PCDH11X: variants seen among roughly 807,000 people sequenced by gnomAD.
The protein encoded by PCDH11X is protocadherin-11 X-linked.
Under a neutral mutation model 53.3 loss-of-function variants are expected in PCDH11X, and 18 were observed. The observed-to-expected ratio is 0.34, with a 90% CI of 0.23 to 0.50. The LOEUF (loss-of-function observed/expected upper bound fraction) is 0.50, where lower values mean the gene tolerates loss of function less well. Among genes scored for constraint, PCDH11X ranks in the 20% least tolerant of loss-of-function variants. The probability of loss-of-function intolerance (pLI) is 0.98; values close to 1 mark genes in which losing one functional copy is unlikely to be tolerated. For synonymous variants in PCDH11X, 279 were observed against 393.3 expected (o/e 0.71, Z 3.44); for missense variants, 570 against 1,032.4 (o/e 0.55, Z 6.14).
chrX:92,458,623 A>G (rs1237816312), intron 9 of PCDH11X, among the ~76,000 whole-genome samples: 1 of 111,694 alleles, frequency 9.0e-6, no homozygotes, highest in Non-Finnish European at 1.9e-5. Flanking sequence ...GATTGAAAAC[A>G]TGTAACATTT....
At chrX:91,980,467 T>G (rs2062111317) in intron 6 of PCDH11X, among the ~76,000 whole-genome samples, 1 of 110,305 alleles carries the variant, frequency 9.1e-6, no homozygotes, top group Non-Finnish European at 1.9e-5. Context: ...GGAGGGTTTT[T>G]TCGTTTTGTT....
chrX:92,503,154 C>A (rs2073990199), intron 10 of PCDH11X, among the ~76,000 whole-genome samples: 1 of 108,661 alleles, frequency 9.2e-6, no homozygotes, highest in Non-Finnish European at 1.9e-5. Flanking sequence ...ATTAGAGATC[C>A]TCAAATCAAA....
intron 3 of PCDH11X, 70 bp downstream of exon 3, chrX:91,810,648 C>G (rs1269134791): frequency 8.9e-6 from 1 of 111,745 alleles, no homozygotes; most frequent in Non-Finnish European, 1.9e-5. Context: ...GAATTGATAA[C>G]AAGAGGCATT....
chrX:91,868,497 A>G (rs1185663243), intron 5 of PCDH11X, among the ~76,000 whole-genome samples: 1 of 111,626 alleles, frequency 9.0e-6, no homozygotes, highest in Non-Finnish European at 1.9e-5. Flanking sequence ...TCTTTTATCA[A>G]TTTAGAAGGT....
At chrX:92,430,330 CA>C (rs2072223714) in intron 9 of PCDH11X, among the ~76,000 whole-genome samples, 1 of 91,714 alleles carries the variant, frequency 1.1e-5, no homozygotes, top group African/African-American at 3.7e-5. Flanking sequence ...CGTGTTTGTT[CA>C]GAAGTTTGGC....
intron 8 of PCDH11X, among the ~76,000 whole-genome samples, chrX:92,353,570 G>A (rs974565898): frequency 4.5e-5 from 5 of 110,482 alleles, no homozygotes; most frequent in African/African-American, 6.6e-5. Flanking sequence ...AATTCATTCA[G>A]GAATGACTCA....
At chrX:92,294,470 G>C (rs2068566526) in intron 8 of PCDH11X, among the ~76,000 whole-genome samples, 1 of 112,277 alleles carries the variant, frequency 8.9e-6, no homozygotes, top group South Asian at 3.6e-4. Flanking sequence ...AAAAACATTA[G>C]AGCATTTTAT....
chrX:92,119,625 T>C (rs1174600438), intron 6 of PCDH11X, among the ~76,000 whole-genome samples: 1 of 111,618 alleles, frequency 9.0e-6, no homozygotes, highest in Non-Finnish European at 1.9e-5. Flanking sequence ...AACAAACTTA[T>C]TAGTAATAAA....
At chrX:92,174,379 G>C (rs1280741869) in intron 6 of PCDH11X, among the ~76,000 whole-genome samples, 1 of 111,469 alleles carries the variant, frequency 9.0e-6, no homozygotes, top group Non-Finnish European at 1.9e-5. Context: ...TGGAACGGAG[G>C]CTACCAAAGT....
chrX:92,103,631 G>C (rs985244947), intron 6 of PCDH11X, among the ~76,000 whole-genome samples: 1 of 111,970 alleles, frequency 8.9e-6, no homozygotes, highest in Admixed American at 9.4e-5. Context: ...CAGATGGGAC[G>C]TGGCTTAGGA....
intron 6 of PCDH11X, among the ~76,000 whole-genome samples, chrX:91,894,695 T>G: frequency 9.0e-6 from 1 of 111,371 alleles, no homozygotes; most frequent in Non-Finnish European, 1.9e-5. Flanking sequence ...ATGTATGAAA[T>G]TTCAAATTTC....
intron 9 of PCDH11X, among the ~76,000 whole-genome samples, chrX:92,425,086 C>A (rs2072075306): frequency 1.3e-5 from 1 of 74,434 alleles, no homozygotes; most frequent in African/African-American, 3.5e-5. Context: ...TCAGCAGTGG[C>A]TCCTGGGACA....
At position 91,830,909 on chromosome X, in the gene PCDH11X, C is replaced by T. The variant is rs148910786; in HGVS notation, c.-44-4552C>T. ...TTCTAGCATATGATTCAGTAATTCA[C>T]ATAGAATTCATTTAAATATATTACA... On this transcript the variant is annotated intron_variant, in intron 4 of 10. Transcript: ENST00000682573. 7.0e-3 allele frequency among the ~76,000 whole-genome samples: 780 copies of T among 111,379 alleles called. 5 individuals carry two copies. Among genetic ancestry groups the T allele is most frequent in the African/African-American group, 0.023 (720 of 30,713 alleles).
chrX:92,454,333 C>T (rs1316640017), intron 9 of PCDH11X, among the ~76,000 whole-genome samples: 2 of 107,556 alleles, frequency 1.9e-5, no homozygotes, highest in Non-Finnish European at 3.8e-5. Flanking sequence ...AGTGCTAAGT[C>T]GGGTCTGGGA....
At chrX:92,441,901 T>C (rs2072523770) in intron 9 of PCDH11X, among the ~76,000 whole-genome samples, 1 of 109,878 alleles carries the variant, frequency 9.1e-6, no homozygotes. Flanking sequence ...CGAAAGCAGT[T>C]GGGAGGGATG....
At chrX:91,825,608 A>C (rs2147598182) in intron 4 of PCDH11X, among the ~76,000 whole-genome samples, 1 of 110,339 alleles carries the variant, frequency 9.1e-6, no homozygotes, top group African/African-American at 3.4e-5. Flanking sequence ...CCAGTACCTC[A>C]GATGGAAATG....
At chrX:92,322,387 A>G (rs1254001980) in intron 8 of PCDH11X, among the ~76,000 whole-genome samples, 1 of 111,205 alleles carries the variant, frequency 9.0e-6, no homozygotes, top group African/African-American at 3.3e-5. Context: ...ACAATTCAAA[A>G]TAATCAGAGA....
intron 6 of PCDH11X, among the ~76,000 whole-genome samples, chrX:92,064,464 T>C (rs1486815673): frequency 9.9e-6 from 1 of 101,042 alleles, no homozygotes; most frequent in Non-Finnish European, 2.0e-5. Context: ...TATGGAACAT[T>C]TCTATCAAAT....
At chrX:92,376,223 G>A (rs1051792036) in intron 8 of PCDH11X, among the ~76,000 whole-genome samples, 3 of 111,717 alleles carry the variant, frequency 2.7e-5, no homozygotes, top group Non-Finnish European at 5.6e-5. Flanking sequence ...CAATTGCGGG[G>A]TGAGCAACTG....
Sources: gnomAD v4.1 joint callset for allele counts (sites outside exome capture counted in the v4.1 genomes callset) on GRCh38, gnomAD v4.1.1 for gene constraint, MANE v1.5 for transcripts, NCBI Gene and HGNC (gene_info 2026-07-23, HGNC 2026-07-21) for gene names.